Variants in PFKL observed in about 807,000 individuals in gnomAD.
PFKL encodes the protein ATP-dependent 6-phosphofructokinase, liver type.
A neutral mutation model predicts 92.1 loss-of-function variants in PFKL; 74 were observed. That is an observed-to-expected ratio of 0.80 (90% CI 0.67 to 0.97). The LOEUF (loss-of-function observed/expected upper bound fraction) is 0.97. Ranked by LOEUF, PFKL falls within the 50% of genes least tolerant of loss-of-function variation. The pLI, the probability that PFKL is intolerant of heterozygous loss-of-function variation, is 0.00. For missense variants in PFKL, 1,028 were observed against 1,116.6 expected (o/e 0.92, Z 1.13); for synonymous variants, 494 against 456.4 (o/e 1.08, Z -1.05).
intron 16 of PFKL, chr21:44,324,288 G>A (rs2047436780): frequency 4.9e-6 from 3 of 609,666 alleles, no homozygotes; most frequent in South Asian, 3.9e-5. Flanking sequence ...TGTGCCCTGG[G>A]GGGTGGGGTC....
Position 44,308,042 on chromosome 21 carries a change from GTGCACA to G in PFKL, c.159+1291_159+1296del, listed in dbSNP as rs1602004416. Among the ~76,000 whole-genome samples the G allele has an allele frequency of 2.6e-5, 4 of 152,320 alleles. No individual in the cohort carries two copies. In the East Asian group the frequency reaches 7.7e-4, roughly 29 times the overall value. Reference sequence around the variant, plus strand: ...CTTCTGCAGAGCCCAGCAGAGACCAGTGCACATGGAGAAGCCGAGGGGTACAGGGAC... The same window carrying G: ...CTTCTGCAGAGCCCAGCAGAGACCAGTGGAGAAGCCGAGGGGTACAGGGAC... On this transcript the variant is annotated intron_variant, in intron 2 of 21. Transcript: ENST00000349048.
chr21:44,311,801 C>T (rs1220981575), intron 3 of PFKL, among the ~76,000 whole-genome samples: 1 of 152,186 alleles, frequency 6.6e-6, no homozygotes, highest in East Asian at 1.9e-4. Flanking sequence ...TGTGCACGCA[C>T]ATGTGTGTGG....
chr21:44,318,147 CT>C (rs1280682035), intron 9 of PFKL, among the ~76,000 whole-genome samples: 1 of 152,250 alleles, frequency 6.6e-6, no homozygotes, highest in African/African-American at 2.4e-5. Flanking sequence ...GGATGGGGCC[CT>C]GGGGACCTGG....
chr21:44,307,316 C>T (rs370789017), intron 2 of PFKL: 3 of 985,264 alleles, frequency 3.0e-6, no homozygotes, highest in Non-Finnish European at 1.2e-6. Flanking sequence ...TTGGGGCTCG[C>T]CCTCCGTCCT....
At chr21:44,325,908 T>TTGGCCC (rs1391831400) in intron 19 of PFKL, 53 bp from the exon 20 acceptor site, 6 of 1,431,448 alleles carry the variant, frequency 4.2e-6, no homozygotes, top group Non-Finnish European at 4.9e-6. Flanking sequence ...GGCGTTGGCC[T>TTGGCCC]TGGCCCAGGC....
rs1307097058 is a variant in PFKL, at chr21:44,324,901, A to AG, written c.1865dup (p.Leu623ProfsTer10). On this transcript the variant is annotated frameshift_variant, in exon 18 of 22. Coordinates refer to ENST00000349048, the MANE Select transcript of PFKL (RefSeq NM_002626.6). LOFTEE classifies it high-confidence loss of function. ...GGAGAAGATGAAGACAGACATTCAGAGGGGCCTGGTGCTGCGGTGAGGCTG... is the reference window on the plus strand; with the variant it reads ...GGAGAAGATGAAGACAGACATTCAGAGGGGGCCTGGTGCTGCGGTGAGGCTG... 1 of 1,607,908 alleles carries AG rather than the reference A, an allele frequency of 6.2e-7. No homozygotes were observed. Among genetic ancestry groups the AG allele is most frequent in the Non-Finnish European group, 8.5e-7 (1 of 1,177,540 alleles).
chr21:44,305,039 C>G (rs2040892506), intron 1 of PFKL, among the ~76,000 whole-genome samples: 1 of 152,098 alleles, frequency 6.6e-6, no homozygotes, highest in Non-Finnish European at 1.5e-5. Context: ...TGGCTCTGGC[C>G]CCCCTGTTGG....
chr21:44,300,544 C>G (rs1266434550), intron 1 of PFKL, among the ~76,000 whole-genome samples: 1 of 152,202 alleles, frequency 6.6e-6, no homozygotes, highest in Non-Finnish European at 1.5e-5. Context: ...CCTGGCCCTT[C>G]CTGGTTCTGA....
rs1473310147 is a variant in PFKL, at chr21:44,324,905, G to A, written c.1865G>A (p.Gly622Asp). The A allele has an allele frequency of 1.2e-6, 2 of 1,606,906 alleles. No homozygotes were observed. Among genetic ancestry groups the A allele is most frequent in the East Asian group, 2.2e-5 (1 of 44,560 alleles). Residue 622 changes from glycine to aspartate, a missense_variant, in exon 18 of 22, where the codon GGC (glycine) becomes GAC (aspartate). Coordinates refer to ENST00000349048, the MANE Select transcript of PFKL (RefSeq NM_002626.6). ...AAGATGAAGACAGACATTCAGAGGG[G>A]CCTGGTGCTGCGGTGAGGCTGCCGT... ...TEKMKTDIQRGLVLRNEKCHD... is the reference protein window; with the variant it reads ...TEKMKTDIQRDLVLRNEKCHD...
At position 44,323,825 on chromosome 21, in the gene PFKL, C is replaced by T. The variant is rs145620741; in HGVS notation, c.1557C>T (p.Ile519=). ...GCGGGCGCTACGAGGAGCTCTGCAT[C>T]GTCATGTGTGTCATCCCAGCCACCA... is the stretch of plus-strand genomic sequence containing the variant. The part of the protein sequence containing the change: ...EARGRYEELC[I]VMCVIPATIS... Residue 519 remains isoleucine (I), a synonymous_variant, in exon 16 of 22, where the codon ATC becomes ATT. Coordinates refer to ENST00000349048, the MANE Select transcript of PFKL (RefSeq NM_002626.6). 69 of 1,613,150 alleles carry T rather than the reference C, an allele frequency of 4.3e-5. No homozygotes were observed. Among genetic ancestry groups the T allele is most frequent in the African/African-American group, 1.7e-4 (13 of 74,916 alleles).
intron 11 of PFKL, 106 bp from the exon 12 acceptor site, chr21:44,319,978 G>A (rs1430612350): frequency 1.8e-5 from 17 of 968,568 alleles, no homozygotes; most frequent in Non-Finnish European, 2.5e-5. Flanking sequence ...AGCTTCCATC[G>A]GGCCGTGTGC....
intron 2 of PFKL, among the ~76,000 whole-genome samples, chr21:44,307,059 C>T (rs571802748): frequency 9.2e-5 from 14 of 152,258 alleles, no homozygotes; most frequent in Non-Finnish European, 1.5e-4. Flanking sequence ...TGATCGCTGA[C>T]GGGCCAGGCC....
At chr21:44,325,312 C>A in intron 19 of PFKL, 48 bp downstream of exon 19, 1 of 1,286,506 alleles carries the variant, frequency 7.8e-7, no homozygotes, top group Non-Finnish European at 1.1e-6. Flanking sequence ...TCTTTCCTGC[C>A]ACCATCTGTC....
rs538068610 is a variant in PFKL at position 44,320,076 on chromosome 21, C to T, written c.1128-8C>T. The T allele has an allele frequency of 1.2e-6, 2 of 1,612,782 alleles. No homozygotes were observed. Among genetic ancestry groups the T allele is most frequent in the African/African-American group, 1.3e-5 (1 of 75,042 alleles). ...GGCTGTGCATGGTGTGACCCGAATC[C>T]CTTCCAGGAGCTTCGAGAACAACTG... On this transcript the variant is annotated splice_polypyrimidine_tract_variant and splice_region_variant and intron_variant, in intron 11 of 21. Transcript: ENST00000349048.
chr21:44,312,179 C>T lies in PFKL; in HGVS notation c.312C>T (p.Asn104=), dbSNP rs765281010. 3.7e-6 allele frequency: 6 copies of T among 1,602,794 alleles called. No homozygotes were observed. The highest frequency in any genetic ancestry group is 1.7e-5 in the Admixed American group (1 of 58,640). Residue 104 remains asparagine (N), a synonymous_variant, in exon 4 of 22, where the codon AAC becomes AAT. Coordinates refer to ENST00000349048, the MANE Select transcript of PFKL (RefSeq NM_002626.6). ...AGGGGCGCCGGGCAGCGGCCTACAA[C>T]CTGGTCCAGCACGGCATCACCAACC... ...TREGRRAAAY[N]LVQHGITNLC... is the part of the protein sequence containing the mutation.
At chr21:44,305,488 G>C in intron 1 of PFKL, 1 of 1,251,212 alleles carries the variant, frequency 8.0e-7, no homozygotes, top group Non-Finnish European at 1.1e-6. Flanking sequence ...ACGAGGCTTG[G>C]GGACAGAGGA....
At chr21:44,304,456 GT>G in intron 1 of PFKL, 1 of 1,210,252 alleles carries the variant, frequency 8.3e-7, no homozygotes, top group South Asian at 1.5e-5. Context: ...CCTGCCAGAG[GT>G]GGGCTTGGAC....
At chr21:44,314,300 G>A (rs1291030102) in intron 7 of PFKL, 1 of 444,742 alleles carries the variant, frequency 2.2e-6, no homozygotes, top group African/African-American at 2.0e-5. Context: ...GGGGAGCTTG[G>A]TGAGGCTGCT....
At chr21:44,319,693 G>T (rs2047309481) in intron 11 of PFKL, 2 of 553,654 alleles carry the variant, frequency 3.6e-6, no homozygotes, top group East Asian at 6.0e-5. Context: ...CCAGGACATG[G>T]GGTGGCCCCG....
Sources: gnomAD v4.1 joint callset for allele counts (sites outside exome capture counted in the v4.1 genomes callset) on GRCh38, gnomAD v4.1.1 for gene constraint, MANE v1.5 for transcripts, NCBI Gene and HGNC (gene_info 2026-07-23, HGNC 2026-07-21) for gene names.